Variants in GRIN2B observed in about 807,000 individuals in gnomAD.
The protein encoded by GRIN2B is glutamate receptor ionotropic, NMDA 2B.
A neutral mutation model predicts 114.5 loss-of-function variants in GRIN2B; 5 were observed. The ratio of observed to expected loss-of-function variants is 0.04; its 90% CI spans 0.02 to 0.09. GRIN2B has a LOEUF of 0.09. Ranked by LOEUF, GRIN2B falls within the 10% of genes least tolerant of loss-of-function variation. The pLI is 1.00. For missense variants in GRIN2B, 1,108 were observed against 1,943.5 expected (o/e 0.57, Z 8.08); for synonymous variants, 787 against 745.1 (o/e 1.06, Z -0.92).
intron 4 of GRIN2B, among the ~76,000 whole-genome samples, chr12:13,746,480 C>T (rs957191777): frequency 1.3e-5 from 2 of 152,280 alleles, no homozygotes; most frequent in South Asian, 4.2e-4. Context: ...TTCCCATAGA[C>T]CATATTCCGT....
At chr12:13,676,394 A>T (rs1351585592) in intron 4 of GRIN2B, among the ~76,000 whole-genome samples, 1 of 152,132 alleles carries the variant, frequency 6.6e-6, no homozygotes, top group East Asian at 1.9e-4. Context: ...AGTTCAGCCT[A>T]GAGGTATGAC....
intron 10 of GRIN2B, among the ~76,000 whole-genome samples, chr12:13,592,898 T>C (rs909511954): frequency 6.6e-6 from 1 of 152,184 alleles, no homozygotes; most frequent in African/African-American, 2.4e-5. Flanking sequence ...GTTTTTGTTG[T>C]TTATATAAAG....
chr12:13,840,145 T>TTCA (rs879548672), intron 3 of GRIN2B, among the ~76,000 whole-genome samples: 23,981 of 152,108 alleles, frequency 0.16, 2,410 homozygotes, highest in Non-Finnish European at 0.22. Context: ...CGTAACGTAC[T>TTCA]GCTCTGTTTC....
chr12:13,607,310 TATA>T (rs1286716801), intron 10 of GRIN2B, among the ~76,000 whole-genome samples: 3 of 70,924 alleles, frequency 4.2e-5, no homozygotes, highest in African/African-American at 1.8e-4. Flanking sequence ...ATATATTATA[TATA>T]ATATAAAATA....
chr12:13,828,188 G>C (rs566741313), intron 3 of GRIN2B, among the ~76,000 whole-genome samples: 2 of 152,304 alleles, frequency 1.3e-5, no homozygotes, highest in Non-Finnish European at 2.9e-5. Context: ...ATTCAGGTTA[G>C]TTTGTTCCTC....
Position 13,541,305 on chromosome 12 carries a change from A to G in GRIN2B, c.*21478T>C, listed in dbSNP as rs1854432563. 6.6e-6 allele frequency: 1 copy of G among 152,132 alleles called. No homozygotes were observed. Among genetic ancestry groups the G allele is most frequent in the African/African-American group, 2.4e-5 (1 of 41,428 alleles). The allele number at this position is 152,132 out of a possible 1,614,324, so 9.4% of individuals were successfully genotyped here. ...TAAATCTATTCCCTCTGCTCCAACA[A>G]TTTTGCCCCTCACTTCCCACAAATT... On this transcript the variant is annotated 3_prime_UTR_variant, in exon 14 of 14. Transcript: ENST00000609686.
chr12:13,667,321 A>C (rs1165673857), intron 5 of GRIN2B, among the ~76,000 whole-genome samples: 1 of 152,200 alleles, frequency 6.6e-6, no homozygotes, highest in Non-Finnish European at 1.5e-5. Flanking sequence ...CAGACCCGAA[A>C]TAACAAAGGA....
intron 5 of GRIN2B, among the ~76,000 whole-genome samples, chr12:13,647,129 G>C (rs756635581): frequency 6.6e-6 from 1 of 152,096 alleles, no homozygotes; most frequent in African/African-American, 2.4e-5. Context: ...TTGAGACCCT[G>C]AGTAGAAGAT....
intron 2 of GRIN2B, among the ~76,000 whole-genome samples, chr12:13,945,891 G>T (rs1325188898): frequency 3.3e-5 from 5 of 152,120 alleles, no homozygotes; most frequent in Non-Finnish European, 7.4e-5. Flanking sequence ...GCCAAACAGG[G>T]CAGCCTAGGA....
intron 4 of GRIN2B, among the ~76,000 whole-genome samples, chr12:13,718,872 C>T (rs541842997): frequency 6.6e-6 from 1 of 152,150 alleles, no homozygotes; most frequent in African/African-American, 2.4e-5. Flanking sequence ...AATGAGCAAC[C>T]TCTCTCCAAC....
At chr12:13,701,255 G>C (rs981364125) in intron 4 of GRIN2B, among the ~76,000 whole-genome samples, 3 of 152,128 alleles carry the variant, frequency 2.0e-5, no homozygotes, top group Non-Finnish European at 2.9e-5. Flanking sequence ...TTCAAGGTGA[G>C]ATTTGGGTGG....
chr12:13,876,173 T>C (rs12302403), intron 2 of GRIN2B, among the ~76,000 whole-genome samples: 23,354 of 152,152 alleles, frequency 0.15, 2,306 homozygotes, highest in Middle Eastern at 0.23. Context: ...CAAAAAGAGC[T>C]AGAATTGAAA....
intron 2 of GRIN2B, among the ~76,000 whole-genome samples, chr12:13,973,794 A>G (rs1862972013): frequency 6.6e-6 from 1 of 152,220 alleles, no homozygotes; most frequent in South Asian, 2.1e-4. Flanking sequence ...CACAACATAC[A>G]AAGAATGGTG....
At chr12:13,697,032 G>A (rs1950266374) in intron 4 of GRIN2B, among the ~76,000 whole-genome samples, 1 of 152,086 alleles carries the variant, frequency 6.6e-6, no homozygotes, top group Non-Finnish European at 1.5e-5. Flanking sequence ...AAAAGACCTA[G>A]AAACTGCACA....
intron 3 of GRIN2B, among the ~76,000 whole-genome samples, chr12:13,799,802 G>A (rs1864475134): frequency 6.6e-6 from 1 of 152,070 alleles, no homozygotes; most frequent in African/African-American, 2.4e-5. Context: ...AGGGGGTACA[G>A]GCAAGTTAAG....
intron 3 of GRIN2B, among the ~76,000 whole-genome samples, chr12:13,808,712 A>G (rs999889071): frequency 6.9e-4 from 101 of 145,752 alleles, no homozygotes; most frequent in African/African-American, 2.5e-3. Flanking sequence ...CCTGCACATT[A>G]TGCACATGTA....
At chr12:13,876,844 A>G (rs753467943) in intron 2 of GRIN2B, among the ~76,000 whole-genome samples, 3 of 150,628 alleles carry the variant, frequency 2.0e-5, no homozygotes, top group Non-Finnish European at 2.9e-5. Flanking sequence ...TACTTGGCAA[A>G]GCATGTGGCA....
chr12:13,753,317 C>T lies in GRIN2B; in HGVS notation c.1010G>A (p.Arg337Lys). ...AATGTGCCCTCTGTTCCACACTCACCTATTTAGCATATTGGACTGGTAGAT... is the reference window on the plus strand; with the variant it reads ...AATGTGCCCTCTGTTCCACACTCACTTATTTAGCATATTGGACTGGTAGAT... Reference protein sequence around the residue: ...KRIYQSNMLNRYLINVTFEGR... With the variant: ...KRIYQSNMLNKYLINVTFEGR... The change falls in exon 4 of 14, where the codon AGG (arginine) becomes AAG (lysine). Residue 337 changes from arginine (R) to lysine (K), a missense_variant and splice_region_variant. This residue lies in a region of GRIN2B where 199 missense variants were observed against 439.6 expected (regional missense o/e 0.45). Coordinates refer to ENST00000609686, the MANE Select transcript of GRIN2B (RefSeq NM_000834.5). The surrounding 1 kb of genome is among the most constrained non-coding windows in gnomAD (Gnocchi z 6.2). 6.6e-7 allele frequency: 1 copy of T among 1,514,220 alleles called. No homozygotes were observed. Among genetic ancestry groups the T allele is most frequent in the Non-Finnish European group, 9.2e-7 (1 of 1,088,914 alleles). 93.8% of individuals were successfully genotyped at this position (1,514,220 alleles called of 1,614,324 possible).
At chr12:13,617,489 T>G (rs143997347) in intron 5 of GRIN2B, among the ~76,000 whole-genome samples, 4 of 152,308 alleles carry the variant, frequency 2.6e-5, no homozygotes, top group Non-Finnish European at 4.4e-5. Context: ...TCCTGAGAAA[T>G]GTATGGGTTC....
Sources: gnomAD v4.1 joint callset for allele counts (sites outside exome capture counted in the v4.1 genomes callset) on GRCh38, gnomAD v4.1.1 for gene constraint, gnomAD v4.1.1 regional missense constraint, Gnocchi (gnomAD v3.1) non-coding constraint, MANE v1.5 for transcripts, NCBI Gene and HGNC (gene_info 2026-07-23, HGNC 2026-07-21) for gene names.